The following APPBP2 variants were observed in gnomAD, a reference collection of about 807,000 sequenced individuals.
APPBP2 encodes the protein amyloid protein-binding protein 2.
In APPBP2, 15 loss-of-function variants were observed where a neutral mutation model predicts 76.0. That is an observed-to-expected ratio of 0.20 (90% CI 0.13 to 0.30). APPBP2 has a LOEUF of 0.30. Ranked by LOEUF, APPBP2 falls within the 10% of genes least tolerant of loss-of-function variation. APPBP2 has a pLI of 1.00. For synonymous variants in APPBP2, 222 were observed against 242.2 expected, an observed-to-expected ratio of 0.92 and a Z score of 0.77; for missense variants, 401 against 687.2, an observed-to-expected ratio of 0.58 and a Z score of 4.66.
chr17:60,458,376 G>A (rs1407610903), intron 9 of APPBP2, among the ~76,000 whole-genome samples: 1 of 151,528 alleles, frequency 6.6e-6, no homozygotes, highest in Non-Finnish European at 1.5e-5. Flanking sequence ...GGAGAGTGCA[G>A]TCAGCCGAGA....
rs189965326 is a variant in APPBP2 at position 60,444,952 on chromosome 17, A to G, written c.*2629T>C. 2.0e-5 allele frequency: 3 copies of G among 152,318 alleles called. No individual in the cohort carries two copies. The East Asian group carries it at 5.8e-4, about 29-fold the overall frequency. The allele number at this position is 152,318 out of a possible 1,614,324, so 9.4% of individuals were successfully genotyped here. The stretch of plus-strand genomic sequence containing the variant: ...CTCACCATATGTAAAAAGTTTGCGC[A>G]AGTTAACTTATTGTGAGATAAATTT... On this transcript the variant is annotated 3_prime_UTR_variant, in exon 13 of 13. Coordinates refer to ENST00000083182, the MANE Select transcript of APPBP2 (RefSeq NM_006380.5).
chr17:60,484,275 G>T (rs2090655305), intron 3 of APPBP2, among the ~76,000 whole-genome samples: 1 of 152,174 alleles, frequency 6.6e-6, no homozygotes, highest in Non-Finnish European at 1.5e-5. Flanking sequence ...AAAGTCATTG[G>T]TAGCTTGATG....
chr17:60,449,694 T>TA (rs147725090), intron 12 of APPBP2, among the ~76,000 whole-genome samples: 12,069 of 148,760 alleles, frequency 0.081, 1,578 homozygotes, highest in African/African-American at 0.28. Context: ...CTTCACACCA[T>TA]AAAAAAAAAA....
At chr17:60,470,603 G>A (rs2143349519) in intron 4 of APPBP2, among the ~76,000 whole-genome samples, 1 of 151,518 alleles carries the variant, frequency 6.6e-6, no homozygotes, top group Non-Finnish European at 1.5e-5. Flanking sequence ...TTTTAACAGA[G>A]TTTCGCTCTT....
chr17:60,518,068 CTTTT>C (rs67907414), intron 1 of APPBP2, among the ~76,000 whole-genome samples: 12 of 122,338 alleles, frequency 9.8e-5, no homozygotes, highest in Admixed American at 1.7e-4. Context: ...TTACAATTTC[CTTTT>C]TTTTTTTTTT....
In APPBP2 at chr17:60,511,532, C is replaced by T. The variant is rs2090913026; in HGVS notation, c.139-11045G>A. On this transcript the variant is annotated intron_variant, in intron 1 of 12. Coordinates refer to ENST00000083182, the MANE Select transcript of APPBP2 (RefSeq NM_006380.5). ...CTCGGAAGGCAGAGGTTGCGGTGAG[C>T]CGAGATCGCATCACTGTATTCCAGC... 2.0e-5 allele frequency among the ~76,000 whole-genome samples: 3 copies of T among 151,188 alleles called. No individual in the cohort carries two copies. The South Asian group carries it at 6.3e-4, about 32-fold the overall frequency.
chr17:60,493,775 G>A (rs2090751207), intron 3 of APPBP2, among the ~76,000 whole-genome samples: 1 of 151,528 alleles, frequency 6.6e-6, no homozygotes, highest in Admixed American at 6.6e-5. Context: ...AAGTAGCTGG[G>A]ATTACTGGCA....
chr17:60,484,405 GA>G (rs1288856032), intron 3 of APPBP2, among the ~76,000 whole-genome samples: 4 of 151,986 alleles, frequency 2.6e-5, no homozygotes, highest in African/African-American at 4.8e-5. Flanking sequence ...TTATTTTGTT[GA>G]GCAGTAGTTT....
At chr17:60,465,260 A>G (rs1258030107) in intron 5 of APPBP2, 1 of 152,210 alleles carries the variant, frequency 6.6e-6, no homozygotes, top group Non-Finnish European at 1.5e-5. Context: ...TAATGTTAAG[A>G]ACAGCCATAG....
intron 4 of APPBP2, among the ~76,000 whole-genome samples, chr17:60,469,553 C>T (rs2090536749): frequency 6.6e-6 from 1 of 152,072 alleles, no homozygotes; most frequent in Non-Finnish European, 1.5e-5. Context: ...TTTCATCACC[C>T]CAAACAGTCC....
intron 4 of APPBP2, among the ~76,000 whole-genome samples, chr17:60,476,523 A>G (rs1279954920): frequency 1.3e-5 from 2 of 152,158 alleles, no homozygotes; most frequent in African/African-American, 4.8e-5. Flanking sequence ...TACTTATTAT[A>G]AATAAATTAT....
intron 2 of APPBP2, among the ~76,000 whole-genome samples, chr17:60,499,201 T>C (rs759874646): frequency 6.6e-6 from 1 of 150,738 alleles, no homozygotes; most frequent in African/African-American, 2.4e-5. Context: ...TGTGATAGCA[T>C]GCGCCTATAG....
intron 1 of APPBP2, 131 bp downstream of exon 1, chr17:60,525,663 G>T: frequency 7.2e-7 from 1 of 1,388,840 alleles, no homozygotes; most frequent in Non-Finnish European, 9.8e-7. Flanking sequence ...TGCAGACACC[G>T]CACCAGACGT....
chr17:60,523,072 G>C (rs2091023547), intron 1 of APPBP2, among the ~76,000 whole-genome samples: 1 of 151,750 alleles, frequency 6.6e-6, no homozygotes, highest in South Asian at 2.1e-4. Context: ...AAGCAGAATG[G>C]GGAAATTTGA....
At chr17:60,496,556 TAA>T (rs1478535443) in intron 2 of APPBP2, 1 of 152,204 alleles carries the variant, frequency 6.6e-6, no homozygotes, top group Non-Finnish European at 1.5e-5. Flanking sequence ...GGAATGTTTT[TAA>T]AAGTTTTTCT....
chr17:60,515,722 CTTAAT>C (rs1242252592), intron 1 of APPBP2, among the ~76,000 whole-genome samples: 1 of 152,212 alleles, frequency 6.6e-6, no homozygotes, highest in Non-Finnish European at 1.5e-5. Flanking sequence ...GCTAGATATT[CTTAAT>C]TTGAGAGAAA....
intron 1 of APPBP2, among the ~76,000 whole-genome samples, chr17:60,524,485 A>G (rs2091034294): frequency 6.6e-6 from 1 of 152,306 alleles, no homozygotes; most frequent in Non-Finnish European, 1.5e-5. Flanking sequence ...GAAATCCAAA[A>G]TAATAATACG....
At chr17:60,506,008 ACAGT>A (rs2090865457) in intron 1 of APPBP2, among the ~76,000 whole-genome samples, 1 of 143,018 alleles carries the variant, frequency 7.0e-6, no homozygotes, top group Admixed American at 7.3e-5. Context: ...TCCCTGGGAG[ACAGT>A]CTGGCCTCTG....
intron 3 of APPBP2, among the ~76,000 whole-genome samples, chr17:60,490,159 C>T (rs1054379871): frequency 1.3e-5 from 2 of 152,112 alleles, no homozygotes; most frequent in Non-Finnish European, 2.9e-5. Context: ...GAATCCACCG[C>T]ACAGACACAC....
Sources: allele counts gnomAD v4.1 joint callset (sites outside exome capture counted in the v4.1 genomes callset), GRCh38; gene constraint gnomAD v4.1.1; transcripts MANE v1.5; gene names NCBI Gene and HGNC (gene_info 2026-07-23, HGNC 2026-07-21).